The following TRIT1 variants were observed in gnomAD, a reference collection of about 807,000 sequenced individuals.
The protein encoded by TRIT1 is tRNA isopentenyltransferase 1.
TRIT1 carries 43 observed loss-of-function variants against 51.2 expected under a neutral mutation model. The ratio of observed to expected loss-of-function variants is 0.84; its 90% CI spans 0.66 to 1.08. The LOEUF (loss-of-function observed/expected upper bound fraction) is 1.08. TRIT1 is among the 50% of genes least tolerant of loss of function. The pLI is 0.00. For synonymous variants in TRIT1, 184 were observed against 203.9 expected (o/e 0.90, Z 0.83); for missense variants, 528 against 578.4 (o/e 0.91, Z 0.89).
intron 7 of TRIT1, 103 bp downstream of exon 7, chr1:39,847,445 C>T: frequency 6.9e-7 from 1 of 1,447,282 alleles, no homozygotes; most frequent in East Asian, 2.3e-5. Flanking sequence ...GAGCTGAAGG[C>T]TATTTGGGAC....
chr1:39,863,577 A>G (rs532092623), intron 1 of TRIT1, among the ~76,000 whole-genome samples: 2 of 152,346 alleles, frequency 1.3e-5, no homozygotes, highest in East Asian at 3.9e-4. Flanking sequence ...TAGGCATTAA[A>G]TTGGGCATTA....
At chr1:39,847,526 G>T in intron 7 of TRIT1, 22 bp downstream of exon 7, 2 of 1,611,680 alleles carry the variant, frequency 1.2e-6, no homozygotes, top group South Asian at 1.1e-5. Flanking sequence ...TCCAAGACTA[G>T]ATTAGATGGA....
At chr1:39,853,068 G>A (rs959104136) in intron 3 of TRIT1, among the ~76,000 whole-genome samples, 192 bp from the exon 4 acceptor site, 1 of 152,150 alleles carries the variant, frequency 6.6e-6, no homozygotes, top group South Asian at 2.1e-4. Context: ...AAAGACAGAA[G>A]ACTTACAGCA....
chr1:39,848,612 T>C (rs1305489422), intron 5 of TRIT1, among the ~76,000 whole-genome samples: 3 of 148,726 alleles, frequency 2.0e-5, no homozygotes, highest in Non-Finnish European at 4.5e-5. Flanking sequence ...GATCACGAGG[T>C]CAAGAGTTCG....
chr1:39,869,456 C>T (rs1643749478), intron 1 of TRIT1, among the ~76,000 whole-genome samples: 2 of 152,200 alleles, frequency 1.3e-5, no homozygotes. Flanking sequence ...CTCGCTACAA[C>T]CTCCACCTCC....
At chr1:39,853,903 C>A in intron 3 of TRIT1, 67 bp downstream of exon 3, 1 of 1,103,658 alleles carries the variant, frequency 9.1e-7, no homozygotes, top group African/African-American at 1.6e-5. Context: ...ACCTTTCTCC[C>A]ACTGAAATTA....
chr1:39,876,800 C>T (rs1557585685), intron 1 of TRIT1, among the ~76,000 whole-genome samples: 3 of 151,378 alleles, frequency 2.0e-5, no homozygotes, highest in African/African-American at 4.8e-5. Context: ...TGGTGGCGGG[C>T]GCCTGTAGTC....
At chr1:39,856,878 T>C (rs1642933826) in intron 2 of TRIT1, among the ~76,000 whole-genome samples, 1 of 152,162 alleles carries the variant, frequency 6.6e-6, no homozygotes, top group Admixed American at 6.5e-5. Context: ...AAAATTCACA[T>C]GGTAAAAAAG....
In TRIT1 at chr1:39,838,699, C is replaced by A. The variant is rs1333776311; in HGVS notation, c.*3045G>T. 6.6e-6 allele frequency among the ~76,000 whole-genome samples: 1 copy of A among 152,174 alleles called. No individual in the cohort carries two copies. The highest frequency in any genetic ancestry group is 2.4e-5 in the African/African-American group (1 of 41,422). ...ATATATTTGTGCTGACTGGGTCTCA[C>A]CATGTTGCCTAGGCTGGTCTCAAAC... is the stretch of plus-strand genomic sequence containing the variant. On this transcript the variant is annotated 3_prime_UTR_variant, in exon 11 of 11. Transcript: ENST00000316891.
chr1:39,873,156 A>T (rs1327807444), intron 1 of TRIT1, among the ~76,000 whole-genome samples: 1 of 152,198 alleles, frequency 6.6e-6, no homozygotes, highest in Non-Finnish European at 1.5e-5. Flanking sequence ...ATTTTATGGA[A>T]ATGGAAAAGA....
chr1:39,874,379 C>T (rs1437431963), intron 1 of TRIT1, among the ~76,000 whole-genome samples: 3 of 152,090 alleles, frequency 2.0e-5, no homozygotes, highest in Non-Finnish European at 4.4e-5. Flanking sequence ...TGCCAAACGT[C>T]CCCTAGGAGG....
intron 1 of TRIT1, among the ~76,000 whole-genome samples, chr1:39,865,671 C>CAAAAA (rs142393332): frequency 0.11 from 7,114 of 65,378 alleles, 322 homozygotes; most frequent in Non-Finnish European, 0.17. Context: ...TCTGTCTCTA[C>CAAAAA]AAAAAAAAAA....
At chr1:39,843,598 A>C (rs550952117) in intron 10 of TRIT1, among the ~76,000 whole-genome samples, 1 of 152,330 alleles carries the variant, frequency 6.6e-6, no homozygotes, top group Admixed American at 6.5e-5. Flanking sequence ...TTTAGCAACT[A>C]CCACTATGCC....
At chr1:39,844,667 G>C in intron 8 of TRIT1, 27 bp from the exon 9 acceptor site, 1 of 1,549,544 alleles carries the variant, frequency 6.5e-7, no homozygotes, top group Non-Finnish European at 8.9e-7. Flanking sequence ...AAGGTTGTGA[G>C]AGGTCAGCCT....
Position 39,865,099 on chromosome 1 carries a change from C to CA in TRIT1, c.175-7683dup, listed in dbSNP as rs749471510. Among the ~76,000 whole-genome samples the CA allele has an allele frequency of 6.3e-4, 96 of 152,316 alleles. 1 individual carries two copies. The highest frequency in any genetic ancestry group is 8.8e-4 in the Non-Finnish European group (60 of 68,022). ...ATATCTTACTGAGATCATTAATGAA[C>CA]ACTGACTGCCAAATATAACACTTTT... On this transcript the variant is annotated intron_variant, in intron 1 of 10. Coordinates refer to ENST00000316891, the MANE Select transcript of TRIT1 (RefSeq NM_017646.6).
chr1:39,846,449 T>A (rs965069509), intron 8 of TRIT1, among the ~76,000 whole-genome samples: 13 of 152,178 alleles, frequency 8.5e-5, no homozygotes, highest in Non-Finnish European at 1.8e-4. Context: ...AACCACATAG[T>A]TTTTACCCAT....
Position 39,839,677 on chromosome 1 carries a change from G to A in TRIT1, c.*2067C>T, listed in dbSNP as rs1453681450. Among the ~76,000 whole-genome samples the A allele has an allele frequency of 6.6e-6, 1 of 152,034 alleles. No individual in the cohort carries two copies. The highest frequency in any genetic ancestry group is 1.5e-5 in the Non-Finnish European group (1 of 68,012). ...ACAATTTCTAAGAATATGAACAGTG[G>A]GCTCAACCACACTGCCTTACACTTA... On this transcript the variant is annotated 3_prime_UTR_variant, in exon 11 of 11. Transcript: ENST00000316891.
chr1:39,857,410 T>TCATAGAC lies in TRIT1; in HGVS notation c.175_181dup (p.Glu61GlyfsTer3). 1.2e-6 allele frequency: 2 copies of TCATAGAC among 1,613,670 alleles called. No individual in the cohort carries two copies. Among genetic ancestry groups the TCATAGAC allele is most frequent in the Non-Finnish European group, 1.7e-6 (2 of 1,179,814 alleles). ...CTTGTTGGTGATGATGTCTAGGCCT[T>TCATAGAC]CATAGACCTAGGGGAAAGAAAATTA... On this transcript the variant is annotated stop_gained and frameshift_variant, in exon 2 of 11. Coordinates refer to ENST00000316891, the MANE Select transcript of TRIT1 (RefSeq NM_017646.6). LOFTEE classifies it high-confidence loss of function.
At position 39,849,446 on chromosome 1, in the gene TRIT1, TC is replaced by T. The variant is rs1239105754; in HGVS notation, c.703+672del. On this transcript the variant is annotated intron_variant, in intron 5 of 10. Transcript: ENST00000316891. ...CTACCTTTGCAAACTGGTCTCTGAC[TC>T]CCCCCAAGATAATATTCGTCATCCC... Among the ~76,000 whole-genome samples, 5 of 152,064 alleles carry T rather than the reference TC, an allele frequency of 3.3e-5. No individual in the cohort carries two copies. The East Asian group carries it at 9.6e-4, about 29-fold the overall frequency.
Sources: allele counts gnomAD v4.1 joint callset (sites outside exome capture counted in the v4.1 genomes callset), GRCh38; gene constraint gnomAD v4.1.1; transcripts MANE v1.5; gene names NCBI Gene and HGNC (gene_info 2026-07-23, HGNC 2026-07-21).